IL12RB1: variants seen among roughly 807,000 people sequenced by gnomAD.
IL12RB1 encodes the protein interleukin-12 receptor subunit beta-1.
In IL12RB1, 64 loss-of-function variants were observed where a neutral mutation model predicts 94.4. The ratio of observed to expected loss-of-function variants is 0.68; its 90% CI spans 0.55 to 0.83. The LOEUF (loss-of-function observed/expected upper bound fraction) is 0.83, where lower values mean the gene tolerates loss of function less well. IL12RB1 is among the 40% of genes least tolerant of loss of function. IL12RB1 has a pLI of 0.00. For synonymous variants in IL12RB1, 362 were observed against 355.5 expected, an observed-to-expected ratio of 1.02 and a Z score of -0.21; for missense variants, 814 against 855.6, an observed-to-expected ratio of 0.95 and a Z score of 0.61.
intron 4 of IL12RB1, among the ~76,000 whole-genome samples, chr19:18,078,238 G>A (rs573688369): frequency 5.9e-5 from 9 of 151,814 alleles, no homozygotes; most frequent in African/African-American, 9.7e-5. Context: ...GTGAAACACC[G>A]TCTCTACTAA....
chr19:18,093,461 G>A (rs1215357076), intron 1 of IL12RB1, among the ~76,000 whole-genome samples: 1 of 152,066 alleles, frequency 6.6e-6, no homozygotes, highest in Non-Finnish European at 1.5e-5. Flanking sequence ...TGCCCACTGA[G>A]GGGTTGTTCA....
intron 12 of IL12RB1, 89 bp from the exon 13 acceptor site, chr19:18,064,099 G>T (rs528756973): frequency 5.2e-5 from 41 of 786,086 alleles, no homozygotes; most frequent in Middle Eastern, 3.5e-4. Context: ...GTGGGGTGGG[G>T]ATTCATAGGC....
At chr19:18,086,643 G>A in intron 1 of IL12RB1, 117 bp downstream of exon 1, 1 of 954,480 alleles carries the variant, frequency 1.0e-6, no homozygotes, top group South Asian at 1.6e-5. Context: ...TTGACAGCAG[G>A]AAAGACTGAG....
rs2035917533 is a variant in IL12RB1 at position 18,081,779 on chromosome 19, C to G, written c.239+371G>C. The stretch of plus-strand genomic sequence containing the variant: ...AGGTTGCAGTGAGCTGACATCATGC[C>G]ACTGCACTCCAGCCTGGGCAACAGA... On this transcript the variant is annotated intron_variant, in intron 3 of 16. Coordinates refer to ENST00000593993, the MANE Select transcript of IL12RB1 (RefSeq NM_005535.3). Among the ~76,000 whole-genome samples the G allele has an allele frequency of 2.6e-5, 4 of 151,880 alleles. No individual in the cohort carries two copies. The South Asian group carries it at 8.3e-4, about 32-fold the overall frequency.
At chr19:18,085,153 AC>A (rs1286835020) in intron 1 of IL12RB1, among the ~76,000 whole-genome samples, 2 of 151,830 alleles carry the variant, frequency 1.3e-5, no homozygotes, top group African/African-American at 4.8e-5. Context: ...GGTCAGGAAG[AC>A]CCCGGCGCCC....
upstream of IL12RB1, chr19:18,087,112 C>T: frequency 7.5e-6 from 4 of 534,736 alleles, no homozygotes; most frequent in South Asian, 8.3e-5. Flanking sequence ...GCCCTGCTGG[C>T]CCCAGACCTG....
Position 18,080,933 on chromosome 19 carries a change from G to A in IL12RB1, c.308C>T (p.Ala103Val). ...SATRLQFSDQAGVSVLYTVTL... is the reference protein window; with the variant it reads ...SATRLQFSDQVGVSVLYTVTL... ...GACAGTGTACAGCACAGACACCCCA[G>A]CCTGGTCGGAGAACTGCAGCCTGGT... The change falls in exon 4 of 17, where the codon GCT becomes GTT. Residue 103 changes from alanine to valine, a missense_variant. Transcript: ENST00000593993. 6.2e-7 allele frequency: 1 copy of A among 1,614,018 alleles called. No individual in the cohort carries two copies. The highest frequency in any genetic ancestry group is 8.5e-7 in the Non-Finnish European group (1 of 1,179,920).
intron 12 of IL12RB1, 128 bp from the exon 13 acceptor site, chr19:18,064,138 CTTT>C (rs55986229): frequency 6.9e-3 from 2,399 of 346,076 alleles, no homozygotes; most frequent in Middle Eastern, 0.01. Flanking sequence ...CTCTTTCTTT[CTTT>C]TTTTTTTTTT....
In IL12RB1 at chr19:18,073,607, C is replaced by G. The variant is rs1267535029; in HGVS notation, c.701-8G>C. On this transcript the variant is annotated splice_region_variant and splice_polypyrimidine_tract_variant and intron_variant, in intron 7 of 16. Transcript: ENST00000593993. ...GAGGCTGTGGGGGGTTTTCTGCAAT[C>G]AGAACCAAACCAACTAGACGAATTG... The G allele has an allele frequency of 6.3e-7, 1 of 1,575,144 alleles. No individual in the cohort carries two copies. Among genetic ancestry groups the G allele is most frequent in the Non-Finnish European group, 8.7e-7 (1 of 1,145,114 alleles).
chr19:18,073,120 C>A lies in IL12RB1; in HGVS notation c.783+397G>T, dbSNP rs1342004069. 5.3e-5 allele frequency among the ~76,000 whole-genome samples: 8 copies of A among 152,110 alleles called. 1 individual carries two copies. Among genetic ancestry groups the A allele is most frequent in the Admixed American group, 4.6e-4 (7 of 15,248 alleles). On this transcript the variant is annotated intron_variant, in intron 8 of 16. Transcript: ENST00000593993. ...TGTCAGTTTTGTCTCAACAGAGATA[C>A]TCCCTCTATGCCTCAGTTTCCCTCT...
chr19:18,059,912 T>A lies in IL12RB1; in HGVS notation c.1965A>T (p.Gly655=). ...CCAGGACCTTGGCCTTGCACCTGTC[T>A]CCATCCTCCAAGGACAACTCTGTAT... ...ALDTELSLED[G]DRCKAKM The change falls in exon 16 of 17, where the codon GGA becomes GGT. Residue 655 remains glycine, a synonymous_variant. Coordinates refer to ENST00000593993, the MANE Select transcript of IL12RB1 (RefSeq NM_005535.3). 6.3e-7 allele frequency: 1 copy of A among 1,583,602 alleles called. No homozygotes were observed. The highest frequency in any genetic ancestry group is 8.6e-7 in the Non-Finnish European group (1 of 1,164,422).
Position 18,059,712 on chromosome 19 carries a change from T to C in IL12RB1, c.1984-99A>G, listed in dbSNP as rs369239734. The C allele has an allele frequency of 3.9e-6, 3 of 763,046 alleles. No individual in the cohort carries two copies. In the African/African-American group the frequency reaches 5.1e-5, roughly 13 times the overall value. The allele number at this position is 763,046 out of a possible 1,614,324, so 47.3% of individuals were successfully genotyped here. On this transcript the variant is annotated intron_variant, in intron 16 of 16. Coordinates refer to ENST00000593993, the MANE Select transcript of IL12RB1 (RefSeq NM_005535.3). The stretch of plus-strand genomic sequence containing the variant: ...TGGAATGGGCTGGGTATGCCATAAG[T>C]GCTTAATAACCAGCCGTTGTGATTG...
At chr19:18,089,927 G>A (rs554814396), upstream of IL12RB1, among the ~76,000 whole-genome samples, 96 of 152,304 alleles carry the variant, frequency 6.3e-4, no homozygotes, top group African/African-American at 2.3e-3. Flanking sequence ...GCCTGGCACA[G>A]TGGGGACGGG....
chr19:18,083,769 C>A (rs2146445111), intron 1 of IL12RB1, among the ~76,000 whole-genome samples: 1 of 151,804 alleles, frequency 6.6e-6, no homozygotes, highest in South Asian at 2.1e-4. Context: ...TCCATCCATC[C>A]ATCCATCCAT....
chr19:18,082,534 C>T (rs2035991327), intron 2 of IL12RB1, among the ~76,000 whole-genome samples: 1 of 152,066 alleles, frequency 6.6e-6, no homozygotes, highest in African/African-American at 2.4e-5. Flanking sequence ...GTCCCCAGGG[C>T]CCCAACTTTC....
At position 18,083,330 on chromosome 19, in the gene IL12RB1, G is replaced by A. The variant is rs896725858; in HGVS notation, c.124+102C>T. 5 of 1,080,880 alleles carry A rather than the reference G, an allele frequency of 4.6e-6. No individual in the cohort carries two copies. In the African/African-American group the frequency reaches 6.2e-5, roughly 13 times the overall value. The allele number at this position is 1,080,880 out of a possible 1,614,324, so 67.0% of individuals were successfully genotyped here. A position where few individuals can be genotyped will look rare whatever the true frequency, so the allele number is the denominator to read the frequency against. On this transcript the variant is annotated intron_variant, in intron 2 of 16. Transcript: ENST00000593993. Reference sequence around the variant, plus strand: ...ACTCCCAAGACCACAGGCAGGGCTGGGTCTTTGGCCTGGTGGTGGAGGCCA... The same window carrying A: ...ACTCCCAAGACCACAGGCAGGGCTGAGTCTTTGGCCTGGTGGTGGAGGCCA...
At chr19:18,097,665 T>G (rs1243699582) in intron 1 of IL12RB1, 136 of 481,946 alleles carry the variant, frequency 2.8e-4, no homozygotes, top group South Asian at 5.9e-4. Context: ...GGCCCTGTGG[T>G]CGGGCTCCCC....
intron 4 of IL12RB1, among the ~76,000 whole-genome samples, chr19:18,079,976 C>T (rs2035772324): frequency 1.3e-5 from 2 of 152,218 alleles, no homozygotes; most frequent in Admixed American, 1.3e-4. Flanking sequence ...TGGCTTACTT[C>T]ACTCAGCGTA....
chr19:18,068,150 C>T (rs2034731036), intron 11 of IL12RB1, among the ~76,000 whole-genome samples: 1 of 150,894 alleles, frequency 6.6e-6, no homozygotes, highest in African/African-American at 2.4e-5. Flanking sequence ...CTCAGCCTCC[C>T]AAGTATCTGG....
Sources: allele counts gnomAD v4.1 joint callset (sites outside exome capture counted in the v4.1 genomes callset), GRCh38; gene constraint gnomAD v4.1.1; transcripts MANE v1.5; gene names NCBI Gene and HGNC (gene_info 2026-07-23, HGNC 2026-07-21).